The following LONRF1 variants were observed in gnomAD, a reference collection of about 807,000 sequenced individuals.
LONRF1 encodes the protein LON peptidase N-terminal domain and RING finger protein 1.
LONRF1 carries 37 observed loss-of-function variants against 85.8 expected under a neutral mutation model. The ratio of observed to expected loss-of-function variants is 0.43; its 90% confidence interval spans 0.33 to 0.57. The LOEUF (loss-of-function observed/expected upper bound fraction) is 0.57, where lower values mean the gene tolerates loss of function less well. LONRF1 is among the 20% of genes least tolerant of loss of function. LONRF1 has a pLI of 0.04. For synonymous variants in LONRF1, 517 were observed against 390.1 expected, an observed-to-expected ratio of 1.33 and a Z score of -3.83; for missense variants, 1,036 against 978.0, an observed-to-expected ratio of 1.06 and a Z score of -0.79.
rs1798276534 is a variant in LONRF1 at position 12,725,848 on chromosome 8, C to T, written c.2042G>A (p.Arg681Lys). The T allele has an allele frequency of 6.2e-7, 1 of 1,612,550 alleles. No individual in the cohort carries two copies. The highest frequency in any genetic ancestry group is 1.1e-5 in the South Asian group (1 of 91,034). The change falls in exon 11 of 12, where the codon AGA becomes AAA. Residue 681 changes from arginine (R) to lysine (K), a missense_variant. Coordinates refer to ENST00000398246, the MANE Select transcript of LONRF1 (RefSeq NM_152271.5). ...VENEDEIKNL[R>K]ELHDLVYSQA... is the part of the protein sequence containing the mutation. ...AGAGTAAACCAAATCATGAAGCTCT[C>T]TGAGATTCTTAATCTCATCTTCATT... is the stretch of plus-strand genomic sequence containing the variant.
chr8:12,755,024 G>A lies in LONRF1; in HGVS notation c.397C>T (p.Pro133Ser). 6.7e-7 allele frequency: 1 copy of A among 1,490,924 alleles called. No homozygotes were observed. Among genetic ancestry groups the A allele is most frequent in the Non-Finnish European group, 8.9e-7 (1 of 1,127,184 alleles). 92.4% of individuals were successfully genotyped at this position (1,490,924 alleles called of 1,614,324 possible). The change falls in exon 1 of 12, where the codon CCG becomes TCG. Residue 133 changes from proline (P) to serine (S), a missense_variant. By Grantham distance (74) the Pro-to-Ser change is moderately conservative (BLOSUM62 -1). Around this residue, in one of 3 missense-constraint regions of LONRF1, gnomAD observed 742 missense variants for 614.4 expected, o/e 1.21. Coordinates refer to ENST00000398246, the MANE Select transcript of LONRF1 (RefSeq NM_152271.5). Reference protein sequence around the residue: ...CLGCRGFLSEPVTVPCGHSYC... With the variant: ...CLGCRGFLSESVTVPCGHSYC... ...CTGTGGCCACAGGGCACGGTCACCG[G>A]CTCGCTCAGGAAGCCCCGGCAGCCC...
chr8:12,735,226 GA>G, intron 7 of LONRF1, 59 bp downstream of exon 7: 1 of 1,106,166 alleles, frequency 9.0e-7, no homozygotes, highest in East Asian at 2.6e-5. Flanking sequence ...TGGCTGAACA[GA>G]AATTAAACCA....
chr8:12,731,629 C>G, intron 8 of LONRF1, 107 bp downstream of exon 8: 1 of 935,858 alleles, frequency 1.1e-6, no homozygotes, highest in Non-Finnish European at 1.6e-6. Flanking sequence ...ACCAATACTT[C>G]TTGACTAGAC....
rs1554469328 is a variant in LONRF1 at position 12,751,294 on chromosome 8, A to AT, written c.721+3405dup. ...AGTCAAGGATTATATTTTTATTTTT[A>AT]TGTTTTTTTTTTTTTTTTTTTTTTT... is the stretch of plus-strand genomic sequence containing the variant. On this transcript the variant is annotated intron_variant, in intron 1 of 11. Coordinates refer to ENST00000398246, the MANE Select transcript of LONRF1 (RefSeq NM_152271.5). 3.5e-5 allele frequency among the ~76,000 whole-genome samples: 3 copies of AT among 84,820 alleles called. 1 individual carries two copies. Among genetic ancestry groups the AT allele is most frequent in the Non-Finnish European group, 4.5e-5 (2 of 44,212 alleles). The allele number at this position is 84,820 out of a possible 152,430, so 55.6% of individuals were successfully genotyped here.
rs1324327028 is a variant in LONRF1, at chr8:12,741,584, T to A, written c.841-588A>T. Reference sequence around the variant, plus strand: ...ACCATGTCCCCACAATTTAAGGAAATTACTGATTTAAATATTATTGATTTA... The same window carrying A: ...ACCATGTCCCCACAATTTAAGGAAAATACTGATTTAAATATTATTGATTTA... On this transcript the variant is annotated intron_variant, in intron 2 of 11. Coordinates refer to ENST00000398246, the MANE Select transcript of LONRF1 (RefSeq NM_152271.5). Among the ~76,000 whole-genome samples, 12 of 152,092 alleles carry A rather than the reference T, an allele frequency of 7.9e-5. 1 individual carries two copies. Among genetic ancestry groups the A allele is most frequent in the Non-Finnish European group, 1.6e-4 (11 of 68,020 alleles).
rs1173201347 is a variant in LONRF1 at position 12,743,225 on chromosome 8, T to C, written c.779A>G (p.Glu260Gly). 6.2e-7 allele frequency: 1 copy of C among 1,613,408 alleles called. No homozygotes were observed. The stretch of plus-strand genomic sequence containing the variant: ...TAAATCTTCTATGGCTGCTTTAAAC[T>C]CTTGGAGACCAGCATATGATTCCGC... The part of the protein sequence containing the change: ...YRAESYAGLQ[E>G]FKAAIEDLNA... Residue 260 changes from glutamate to glycine, a missense_variant, in exon 2 of 12, where the codon GAG (glutamate) becomes GGG (glycine). By Grantham distance (98) the Glu-to-Gly change is moderately conservative (BLOSUM62 -2). Coordinates refer to ENST00000398246, the MANE Select transcript of LONRF1 (RefSeq NM_152271.5).
At chr8:12,741,363 G>A (rs1457989160) in intron 2 of LONRF1, among the ~76,000 whole-genome samples, 1 of 152,176 alleles carries the variant, frequency 6.6e-6, no homozygotes, top group Non-Finnish European at 1.5e-5. Context: ...CAGCCTGGGT[G>A]ACGGAGTAAG....
rs1464104978 is a variant in LONRF1, at chr8:12,731,871, T to C, written c.1567-14A>G. On this transcript the variant is annotated splice_polypyrimidine_tract_variant and intron_variant, in intron 7 of 11. Transcript: ENST00000398246. ...ATCTGCTAGATACTAAAAGACAATA[T>C]TATTTTACATTCCAGCAGTGGTTTT... 1 of 1,604,450 alleles carries C rather than the reference T, an allele frequency of 6.2e-7. No homozygotes were observed. Among genetic ancestry groups the C allele is most frequent in the Non-Finnish European group, 8.5e-7 (1 of 1,176,504 alleles).
intron 1 of LONRF1, among the ~76,000 whole-genome samples, chr8:12,747,983 T>A (rs1799232466): frequency 2.0e-5 from 3 of 152,184 alleles, no homozygotes; most frequent in South Asian, 2.1e-4. Context: ...ATGCTGTTTA[T>A]AATCTGCTTT....
intron 4 of LONRF1, among the ~76,000 whole-genome samples, chr8:12,737,720 A>C (rs1375568492): frequency 6.6e-6 from 1 of 152,160 alleles, no homozygotes; most frequent in African/African-American, 2.4e-5. Flanking sequence ...CACAGCTGTT[A>C]CTACCCTGAG....
rs372691052 is a variant in LONRF1, at chr8:12,749,731, C to T, written c.721+4969G>A. On this transcript the variant is annotated intron_variant, in intron 1 of 11. Transcript: ENST00000398246. ...ATTACAGTTGATCTTTTTAGTAACCCTGAGGCACTAAGAAAAAAAATCCTT... is the reference window on the plus strand; with the variant it reads ...ATTACAGTTGATCTTTTTAGTAACCTTGAGGCACTAAGAAAAAAAATCCTT... 2.0e-5 allele frequency among the ~76,000 whole-genome samples: 3 copies of T among 152,022 alleles called. No homozygotes were observed. In the South Asian group the frequency reaches 6.2e-4, roughly 32 times the overall value.
At chr8:12,729,649 T>A (rs1038114452) in intron 8 of LONRF1, among the ~76,000 whole-genome samples, 10 of 152,212 alleles carry the variant, frequency 6.6e-5, no homozygotes, top group Admixed American at 6.5e-4. Flanking sequence ...ATAAGTAATA[T>A]TTTATATTAA....
chr8:12,730,185 T>C lies in LONRF1; in HGVS notation c.1689-853A>G, dbSNP rs979955290. On this transcript the variant is annotated intron_variant, in intron 8 of 11. Coordinates refer to ENST00000398246, the MANE Select transcript of LONRF1 (RefSeq NM_152271.5). ...GGTACATCCATAAAACGGAATACTA[T>C]GTTTCCATTAAAAGATGATGTGTAT... Among the ~76,000 whole-genome samples, 3 of 152,222 alleles carry C rather than the reference T, an allele frequency of 2.0e-5. No homozygotes were observed. In the East Asian group the frequency reaches 5.8e-4, roughly 29 times the overall value.
At position 12,755,181 on chromosome 8, in the gene LONRF1, C is replaced by T; in HGVS notation, c.240G>A (p.Pro80=). The change falls in exon 1 of 12, where the codon CCG becomes CCA. Residue 80 remains proline (P), a synonymous_variant. Coordinates refer to ENST00000398246, the MANE Select transcript of LONRF1 (RefSeq NM_152271.5). ...AFAAALRRGA[P]ARPECLGALV... is the part of the protein sequence containing the mutation. ...GGGCGCCCAGGCACTCGGGCCTGGC[C>T]GGGGCCCCGCGGCGCAGCGCCGCCG... is the stretch of plus-strand genomic sequence containing the variant. The T allele has an allele frequency of 7.6e-7, 1 of 1,321,876 alleles. No individual in the cohort carries two copies. The highest frequency in any genetic ancestry group is 9.6e-7 in the Non-Finnish European group (1 of 1,042,878). The allele number at this position is 1,321,876 out of a possible 1,614,324, so 81.9% of individuals were successfully genotyped here.
chr8:12,748,445 C>G (rs1348554788), intron 1 of LONRF1, among the ~76,000 whole-genome samples: 1 of 152,198 alleles, frequency 6.6e-6, no homozygotes, highest in Non-Finnish European at 1.5e-5. Context: ...GGTCCTCCCT[C>G]CTTGGCCTCC....
chr8:12,733,450 T>C (rs1798603858), intron 7 of LONRF1, among the ~76,000 whole-genome samples: 1 of 152,160 alleles, frequency 6.6e-6, no homozygotes, highest in South Asian at 2.1e-4. Flanking sequence ...TATTGCCTTA[T>C]TTAAGAAAAG....
At position 12,740,874 on chromosome 8, in the gene LONRF1, C is replaced by G; in HGVS notation, c.963G>C (p.Lys321Asn). ...DFAPAKLQVQKILCDLLLPEN... is the reference protein window; with the variant it reads ...DFAPAKLQVQNILCDLLLPEN... ...CTGTAATTGTTGGTAAACTGATTAC[C>G]TTTTGTACTTGCAGCTTTGCAGGTG... Residue 321 changes from lysine to asparagine, a missense_variant and splice_region_variant, in exon 3 of 12, where the codon AAG (lysine) becomes AAC (asparagine). Lys to Asn is a moderately conservative substitution (Grantham distance 94). This residue lies in a region of LONRF1 where 742 missense variants were observed against 614.4 expected (regional missense o/e 1.21). Transcript: ENST00000398246. 1 of 1,612,882 alleles carries G rather than the reference C, an allele frequency of 6.2e-7. No homozygotes were observed.
At chr8:12,735,681 T>C (rs1409148241) in intron 6 of LONRF1, 1 of 294,824 alleles carries the variant, frequency 3.4e-6, no homozygotes, top group Non-Finnish European at 6.3e-6. Flanking sequence ...ACTAATCACT[T>C]GAAATGTGGC....
chr8:12,751,532 T>C (rs1799404072), intron 1 of LONRF1, among the ~76,000 whole-genome samples: 1 of 151,814 alleles, frequency 6.6e-6, no homozygotes. Context: ...CTCGAACTCC[T>C]GGCCTCATGC....
Sources: allele counts gnomAD v4.1 joint callset (sites outside exome capture counted in the v4.1 genomes callset), GRCh38; gene constraint gnomAD v4.1.1; regional missense constraint gnomAD v4.1.1; transcripts MANE v1.5; gene names NCBI Gene and HGNC (gene_info 2026-07-23, HGNC 2026-07-21).